The following KCTD16 variants were observed in gnomAD, a reference collection of about 807,000 sequenced individuals.
KCTD16 encodes BTB/POZ domain-containing protein KCTD16.
A neutral mutation model predicts 33.2 loss-of-function variants in KCTD16; 13 were observed. That is an observed-to-expected ratio of 0.39 (90% CI 0.25 to 0.62). The LOEUF (loss-of-function observed/expected upper bound fraction) is 0.62, where lower values mean the gene tolerates loss of function less well. Among genes scored for constraint, KCTD16 ranks in the 20% least tolerant of loss-of-function variants. KCTD16 has a pLI of 0.50. For missense variants in KCTD16, 441 were observed against 525.1 expected (o/e 0.84, Z 1.57); for synonymous variants, 197 against 195.3 (o/e 1.01, Z -0.07).
intron 3 of KCTD16, among the ~76,000 whole-genome samples, chr5:144,348,153 CCT>C (rs1752854421): frequency 6.6e-6 from 1 of 152,152 alleles, no homozygotes; most frequent in Admixed American, 6.6e-5. Flanking sequence ...CAATTTGTGT[CCT>C]CTCATTTGTT....
chr5:144,433,700 T>A (rs560628877), intron 3 of KCTD16, among the ~76,000 whole-genome samples: 1 of 152,318 alleles, frequency 6.6e-6, no homozygotes, highest in East Asian at 1.9e-4. Flanking sequence ...GTCCTCCTAC[T>A]TCAGCTTTAT....
intron 2 of KCTD16, among the ~76,000 whole-genome samples, chr5:144,197,332 A>T (rs1007927595): frequency 6.6e-6 from 1 of 152,182 alleles, no homozygotes; most frequent in African/African-American, 2.4e-5. Context: ...ATGAAGGGTC[A>T]GTTCTCTGAT....
chr5:144,314,182 A>G (rs942875548), intron 3 of KCTD16, among the ~76,000 whole-genome samples: 1 of 152,206 alleles, frequency 6.6e-6, no homozygotes, highest in Non-Finnish European at 1.5e-5. Flanking sequence ...TTATTAACCA[A>G]TGCACGAGAT....
chr5:144,458,129 T>A (rs141203453), intron 3 of KCTD16, among the ~76,000 whole-genome samples: 22 of 152,304 alleles, frequency 1.4e-4, no homozygotes, highest in African/African-American at 4.8e-4. Context: ...ATGACAAATT[T>A]ATTTATTTAA....
At chr5:144,189,864 C>T (rs963582342) in intron 2 of KCTD16, among the ~76,000 whole-genome samples, 1 of 152,144 alleles carries the variant, frequency 6.6e-6, no homozygotes, top group African/African-American at 2.4e-5. Context: ...TCCCTTCCTT[C>T]TCCACAGTGG....
rs973660736 is a variant in KCTD16 at position 144,484,287 on chromosome 5, C to A, written c.*10173C>A. The A allele has an allele frequency of 6.6e-6, 1 of 151,884 alleles. No homozygotes were observed. Among genetic ancestry groups the A allele is most frequent in the Non-Finnish European group, 1.5e-5 (1 of 67,884 alleles). 9.4% of individuals were successfully genotyped at this position (151,884 alleles called of 1,614,324 possible). The stretch of plus-strand genomic sequence containing the variant: ...GAAACACAAACTTAGCGGAGCTGCA[C>A]TTCAGAGAGTCCCACTGTAATCTGT... On this transcript the variant is annotated 3_prime_UTR_variant, in exon 4 of 4. Coordinates refer to ENST00000512467, the MANE Select transcript of KCTD16 (RefSeq NM_020768.4).
At chr5:144,459,999 A>AT (rs1477690150) in intron 3 of KCTD16, among the ~76,000 whole-genome samples, 1 of 151,264 alleles carries the variant, frequency 6.6e-6, no homozygotes, top group Non-Finnish European at 1.5e-5. Context: ...CGCCTGGCTA[A>AT]TTTTTTGTAT....
rs536585154 is a variant in KCTD16, at chr5:144,334,026, T to C, written c.832+126480T>C. ...AGCTGTATACTTTTTATCACTTTACTAAACATACAACTCAGCTTGAAACCA... is the reference window on the plus strand; with the variant it reads ...AGCTGTATACTTTTTATCACTTTACCAAACATACAACTCAGCTTGAAACCA... On this transcript the variant is annotated intron_variant, in intron 3 of 3. Coordinates refer to ENST00000512467, the MANE Select transcript of KCTD16 (RefSeq NM_020768.4). Among the ~76,000 whole-genome samples, 161 of 152,344 alleles carry C rather than the reference T, an allele frequency of 1.1e-3. 1 individual carries two copies. The highest frequency in any genetic ancestry group is 3.7e-3 in the African/African-American group (153 of 41,582).
chr5:144,284,654 T>C (rs1235053061), intron 3 of KCTD16, among the ~76,000 whole-genome samples: 2 of 152,196 alleles, frequency 1.3e-5, no homozygotes, highest in East Asian at 3.8e-4. Context: ...CTATATTTTG[T>C]TACTTATAAA....
intron 3 of KCTD16, among the ~76,000 whole-genome samples, chr5:144,290,339 A>G (rs529073251): frequency 6.6e-6 from 1 of 152,226 alleles, no homozygotes; most frequent in African/African-American, 2.4e-5. Flanking sequence ...CAGTCAATAA[A>G]AAACTCTATC....
intron 3 of KCTD16, among the ~76,000 whole-genome samples, chr5:144,471,208 A>T (rs1470283445): frequency 1.3e-5 from 2 of 152,078 alleles, no homozygotes; most frequent in East Asian, 3.9e-4. Flanking sequence ...AACAACAAAA[A>T]ACCCCAAACA....
At chr5:144,302,655 A>G (rs1333670775) in intron 3 of KCTD16, among the ~76,000 whole-genome samples, 1 of 152,208 alleles carries the variant, frequency 6.6e-6, no homozygotes, top group Non-Finnish European at 1.5e-5. Flanking sequence ...TACGTCAAAT[A>G]CAGTATCAAA....
At chr5:144,438,011 A>G (rs1753617396) in intron 3 of KCTD16, among the ~76,000 whole-genome samples, 1 of 152,252 alleles carries the variant, frequency 6.6e-6, no homozygotes, top group African/African-American at 2.4e-5. Flanking sequence ...ACTTTACATT[A>G]CAAAAGAGAT....
Position 144,207,375 on chromosome 5 carries a change from A to T in KCTD16, c.661A>T (p.Arg221Ter). Residue 221 changes from arginine (R) to a stop codon, truncating the protein, a stop_gained, in exon 3 of 4, where the codon AGA becomes TGA. Transcript: ENST00000512467. LOFTEE classifies it high-confidence loss of function. ...CAGAGACCCTGATCGAGCCCCAGAA[A>T]GATACACCTCCAGATTTTATCTCAA... Reference protein sequence around the residue: ...ESRDPDRAPERYTSRFYLKFK... With the variant: ...ESRDPDRAPE The T allele has an allele frequency of 6.2e-7, 1 of 1,614,232 alleles. No homozygotes were observed. The highest frequency in any genetic ancestry group is 8.5e-7 in the Non-Finnish European group (1 of 1,180,044).
intron 3 of KCTD16, among the ~76,000 whole-genome samples, chr5:144,353,148 T>C (rs932027853): frequency 1.3e-5 from 2 of 152,188 alleles, no homozygotes; most frequent in East Asian, 3.8e-4. Context: ...CAAGGGGCCC[T>C]ACCCAGACAC....
chr5:144,183,813 A>G (rs912947979), intron 2 of KCTD16, among the ~76,000 whole-genome samples: 15 of 152,226 alleles, frequency 9.9e-5, no homozygotes, highest in African/African-American at 3.1e-4. Context: ...GTATAAATGA[A>G]TCAAGGCTAG....
At chr5:144,236,929 G>A (rs1216634409) in intron 3 of KCTD16, among the ~76,000 whole-genome samples, 1 of 152,164 alleles carries the variant, frequency 6.6e-6, no homozygotes, top group East Asian at 1.9e-4. Flanking sequence ...GGCTATCTTA[G>A]CACTGGACTA....
intron 3 of KCTD16, among the ~76,000 whole-genome samples, chr5:144,367,222 C>G (rs888740865): frequency 3.9e-5 from 6 of 152,146 alleles, no homozygotes; most frequent in Non-Finnish European, 8.8e-5. Flanking sequence ...GCCACTTGAA[C>G]TTCAGACAGG....
intron 3 of KCTD16, among the ~76,000 whole-genome samples, chr5:144,412,680 G>A (rs571362355): frequency 6.6e-6 from 1 of 152,270 alleles, no homozygotes; most frequent in African/African-American, 2.4e-5. Context: ...GAGGTCAGGA[G>A]TTCAAGACCA....
Sources: gnomAD v4.1 joint callset for allele counts (sites outside exome capture counted in the v4.1 genomes callset) on GRCh38, gnomAD v4.1.1 for gene constraint, MANE v1.5 for transcripts, NCBI Gene and HGNC (gene_info 2026-07-23, HGNC 2026-07-21) for gene names.